MTSS1: variants seen among roughly 807,000 people sequenced by gnomAD.
MTSS1 encodes the protein MTSS I-BAR domain containing 1, also known as protein MTSS 1.
In MTSS1, 18 loss-of-function variants were observed where a neutral mutation model predicts 79.0. That is an observed-to-expected ratio of 0.23 (90% CI 0.16 to 0.34). The LOEUF (loss-of-function observed/expected upper bound fraction) is 0.34, where lower values mean the gene tolerates loss of function less well. Among genes scored for constraint, MTSS1 ranks in the 10% least tolerant of loss-of-function variants. MTSS1 has a pLI of 1.00. For synonymous variants in MTSS1, 341 were observed against 368.6 expected (o/e 0.93, Z 0.86); for missense variants, 815 against 986.2 (o/e 0.83, Z 2.33).
chr8:124,621,163 C>A (rs16899873), intron 3 of MTSS1, among the ~76,000 whole-genome samples: 1 of 152,174 alleles, frequency 6.6e-6, no homozygotes, highest in African/African-American at 2.4e-5. Flanking sequence ...GACAATACTG[C>A]GATCGCCATG....
intron 6 of MTSS1, chr8:124,580,371 A>C (rs1476061218): frequency 1.6e-6 from 1 of 609,732 alleles, no homozygotes; most frequent in African/African-American, 1.8e-5. Context: ...AAAAGAAAAC[A>C]ATTAAAACAC....
Position 124,727,967 on chromosome 8 carries a change from C to T in MTSS1, c.-12G>A, listed in dbSNP as rs1833988985. On this transcript the variant is annotated 5_prime_UTR_variant, in exon 1 of 14. Transcript: ENST00000518547. This position sits in a 1 kb window ranked among gnomAD's most constrained non-coding sequence, Gnocchi z 4.7. Reference sequence around the variant, plus strand: ...ATCACAGCCTCCATTTTCCCGGCTCCGGCAGGGCGAGGGCACACACGCGGG... The same window carrying T: ...ATCACAGCCTCCATTTTCCCGGCTCTGGCAGGGCGAGGGCACACACGCGGG... 4 of 1,608,250 alleles carry T rather than the reference C, an allele frequency of 2.5e-6. No individual in the cohort carries two copies. The highest frequency in any genetic ancestry group is 1.1e-5 in the South Asian group (1 of 90,364).
intron 4 of MTSS1, among the ~76,000 whole-genome samples, chr8:124,590,894 C>A (rs1831751088): frequency 6.6e-6 from 1 of 152,224 alleles, no homozygotes; most frequent in South Asian, 2.1e-4. Flanking sequence ...GCTCCTTGCA[C>A]AGACAAAGGG....
intron 3 of MTSS1, among the ~76,000 whole-genome samples, chr8:124,695,867 G>GT (rs1337150313): frequency 7.8e-5 from 8 of 102,672 alleles, no homozygotes; most frequent in East Asian, 2.5e-4. Flanking sequence ...AACTAGTGTT[G>GT]TTTTTTTTTT....
chr8:124,690,884 T>C (rs946903760), intron 3 of MTSS1, among the ~76,000 whole-genome samples: 1 of 152,218 alleles, frequency 6.6e-6, no homozygotes, highest in African/African-American at 2.4e-5. Flanking sequence ...AAAACACTCT[T>C]TAAAAATATA....
At chr8:124,610,534 G>A (rs1296314815) in intron 3 of MTSS1, among the ~76,000 whole-genome samples, 3 of 152,152 alleles carry the variant, frequency 2.0e-5, no homozygotes, top group Non-Finnish European at 2.9e-5. Context: ...CTAAAGAACC[G>A]TCAGCATCTA....
At chr8:124,692,394 G>A (rs139894688) in intron 3 of MTSS1, among the ~76,000 whole-genome samples, 39 of 152,150 alleles carry the variant, frequency 2.6e-4, no homozygotes, top group African/African-American at 9.4e-4. Context: ...AAAAAAGTTT[G>A]CTAGGTAGAA....
chr8:124,632,138 G>T lies in MTSS1; in HGVS notation c.209-40903C>A, dbSNP rs539805811. 4.6e-5 allele frequency among the ~76,000 whole-genome samples: 7 copies of T among 150,822 alleles called. No homozygotes were observed. In the South Asian group the frequency reaches 1.5e-3, roughly 32 times the overall value. On this transcript the variant is annotated intron_variant, in intron 3 of 13. Transcript: ENST00000518547. ...CAAAAAAATTTAAATAATTAGCCAG[G>T]TGTGGTGGTGCATGCCTGTAGTCCC...
At chr8:124,661,781 G>A (rs1822082286) in intron 3 of MTSS1, among the ~76,000 whole-genome samples, 1 of 152,204 alleles carries the variant, frequency 6.6e-6, no homozygotes, top group African/African-American at 2.4e-5. Flanking sequence ...ACTCACCATA[G>A]CTGCGACAGC....
At chr8:124,595,067 G>C (rs747804832) in intron 3 of MTSS1, among the ~76,000 whole-genome samples, 4 of 152,138 alleles carry the variant, frequency 2.6e-5, no homozygotes, top group Non-Finnish European at 5.9e-5. Context: ...ATAAAGGAAC[G>C]GACATTTACC....
chr8:124,601,335 T>C (rs1377873767), intron 3 of MTSS1, among the ~76,000 whole-genome samples: 1 of 152,152 alleles, frequency 6.6e-6, no homozygotes, highest in African/African-American at 2.4e-5. Context: ...GTGCTGGGAT[T>C]ATAGGCATGA....
intron 3 of MTSS1, among the ~76,000 whole-genome samples, chr8:124,690,168 C>T (rs549525853): frequency 2.0e-5 from 3 of 152,330 alleles, no homozygotes; most frequent in Non-Finnish European, 2.9e-5. Flanking sequence ...CTCCCGCCGC[C>T]GCCACCACCA....
At position 124,565,633 on chromosome 8, in the gene MTSS1, A is replaced by C. The variant is rs960635764; in HGVS notation, c.824+29T>G. On this transcript the variant is annotated intron_variant, in intron 9 of 13. Transcript: ENST00000518547. ...CATAAAGAAAAATGACCCGTCCTGA[A>C]AGCAAGAGTGGACCCCGGCTTCACT... The C allele has an allele frequency of 1.9e-6, 3 of 1,587,408 alleles. No individual in the cohort carries two copies. The Admixed American group carries it at 5.0e-5, about 26-fold the overall frequency.
chr8:124,690,235 C>T (rs953332135), intron 3 of MTSS1, among the ~76,000 whole-genome samples: 1 of 152,188 alleles, frequency 6.6e-6, no homozygotes, highest in Non-Finnish European at 1.5e-5. Flanking sequence ...GAACAGCACA[C>T]ACACATCCAG....
intron 1 of MTSS1, among the ~76,000 whole-genome samples, chr8:124,721,919 A>T (rs1303762046): frequency 6.6e-6 from 1 of 151,962 alleles, no homozygotes; most frequent in East Asian, 1.9e-4. Flanking sequence ...CCTGCCTAGA[A>T]CCTCGCCTTC....
At chr8:124,622,271 A>G (rs1028350690) in intron 3 of MTSS1, among the ~76,000 whole-genome samples, 1 of 151,990 alleles carries the variant, frequency 6.6e-6, no homozygotes, top group South Asian at 2.1e-4. Context: ...TTTTTTAAGT[A>G]GAAGACATAG....
At position 124,589,715 on chromosome 8, in the gene MTSS1, T is replaced by G. The variant is rs545968111; in HGVS notation, c.294-4A>C. On this transcript the variant is annotated splice_polypyrimidine_tract_variant and splice_region_variant and intron_variant, in intron 4 of 13. Coordinates refer to ENST00000518547, the MANE Select transcript of MTSS1 (RefSeq NM_014751.6). ...TATCAGACAATCAATTAAAGCGCTTTTACCAAGCGGGGGGGAAAAAGGGAG... is the reference window on the plus strand; with the variant it reads ...TATCAGACAATCAATTAAAGCGCTTGTACCAAGCGGGGGGGAAAAAGGGAG... 2.5e-6 allele frequency: 4 copies of G among 1,596,102 alleles called. No individual in the cohort carries two copies. In the African/African-American group the frequency reaches 5.4e-5, roughly 22 times the overall value.
intron 3 of MTSS1, among the ~76,000 whole-genome samples, chr8:124,602,207 A>ATATATATACATATATAT: frequency 7.0e-6 from 1 of 142,218 alleles, no homozygotes; most frequent in African/African-American, 2.7e-5. Flanking sequence ...ATATATATAT[A>ATATATATACATATATAT]ATTTTTTTTT....
chr8:124,707,687 G>A (rs576713804), intron 1 of MTSS1, among the ~76,000 whole-genome samples: 1 of 151,168 alleles, frequency 6.6e-6, no homozygotes, highest in Non-Finnish European at 1.5e-5. Flanking sequence ...CAGCCTAGGC[G>A]AAAGAGCGAG....
Sources: gnomAD v4.1 joint callset for allele counts (sites outside exome capture counted in the v4.1 genomes callset) on GRCh38, gnomAD v4.1.1 for gene constraint, Gnocchi (gnomAD v3.1) non-coding constraint, MANE v1.5 for transcripts, NCBI Gene and HGNC (gene_info 2026-07-23, HGNC 2026-07-21) for gene names.